The following SCNN1B variants were observed in gnomAD, a reference collection of about 807,000 sequenced individuals.
The protein encoded by SCNN1B is epithelial sodium channel subunit beta.
SCNN1B carries 46 observed loss-of-function variants against 65.3 expected under a neutral mutation model. The observed-to-expected ratio is 0.70, with a 90% CI of 0.56 to 0.90. The LOEUF (loss-of-function observed/expected upper bound fraction) is 0.90, where lower values mean the gene tolerates loss of function less well. SCNN1B is among the 40% of genes least tolerant of loss of function. The probability of loss-of-function intolerance (pLI) is 0.00; values close to 1 mark genes in which losing one functional copy is unlikely to be tolerated. For missense variants in SCNN1B, 751 were observed against 830.5 expected, an observed-to-expected ratio of 0.90 and a Z score of 1.18; for synonymous variants, 349 against 330.6, an observed-to-expected ratio of 1.06 and a Z score of -0.60.
intron 1 of SCNN1B, among the ~76,000 whole-genome samples, chr16:23,303,601 T>C (rs1331882600): frequency 1.3e-5 from 2 of 152,038 alleles, no homozygotes; most frequent in Non-Finnish European, 2.9e-5. Context: ...TACAGAGCCA[T>C]AGAAAATATG....
Position 23,375,276 on chromosome 16 carries a change from C to G in SCNN1B, c.1153-462C>G, listed in dbSNP as rs1451822738. 3.9e-5 allele frequency among the ~76,000 whole-genome samples: 6 copies of G among 152,192 alleles called. No homozygotes were observed. In the East Asian group the frequency reaches 1.2e-3, roughly 29 times the overall value. ...AGAGATCATCCTTCTCCTGGCTTTCCCTGGGCAATTCCCTCTGGGAGGAAG... is the reference window on the plus strand; with the variant it reads ...AGAGATCATCCTTCTCCTGGCTTTCGCTGGGCAATTCCCTCTGGGAGGAAG... On this transcript the variant is annotated intron_variant, in intron 7 of 12. Coordinates refer to ENST00000343070, the MANE Select transcript of SCNN1B (RefSeq NM_000336.3).
In SCNN1B at chr16:23,351,504, T is replaced by G. The variant is rs561129410; in HGVS notation, c.312-1297T>G. On this transcript the variant is annotated intron_variant, in intron 2 of 12. Transcript: ENST00000343070. ...CCTTCCCCATCCTCCTGTTCCTGTGTACACAGATTTAATGGTCAGGGAACT... is the reference window on the plus strand; with the variant it reads ...CCTTCCCCATCCTCCTGTTCCTGTGGACACAGATTTAATGGTCAGGGAACT... 2.0e-5 allele frequency among the ~76,000 whole-genome samples: 3 copies of G among 152,278 alleles called. No individual in the cohort carries two copies. In the East Asian group the frequency reaches 5.8e-4, roughly 29 times the overall value.
chr16:23,322,425 G>A (rs956303262), intron 1 of SCNN1B, among the ~76,000 whole-genome samples: 1 of 151,940 alleles, frequency 6.6e-6, no homozygotes. Flanking sequence ...CTCAGCTCCC[G>A]AGTAGCTGGG....
chr16:23,361,132 G>C (rs1488350463), intron 4 of SCNN1B, among the ~76,000 whole-genome samples: 3 of 152,014 alleles, frequency 2.0e-5, no homozygotes, highest in Non-Finnish European at 4.4e-5. Context: ...GTTTCACCAT[G>C]TTTGCCAGGC....
chr16:23,368,374 T>TA (rs577397884), intron 5 of SCNN1B, among the ~76,000 whole-genome samples: 21 of 148,854 alleles, frequency 1.4e-4, no homozygotes, highest in South Asian at 2.1e-4. Flanking sequence ...CCCCATCTCT[T>TA]AAAAAAAAAA....
rs567681860 is a variant in SCNN1B, at chr16:23,322,665, A to G, written c.-9+20228A>G. Among the ~76,000 whole-genome samples the G allele has an allele frequency of 2.2e-4, 34 of 152,306 alleles. No homozygotes were observed. The South Asian group carries it at 2.3e-3, about 10-fold the overall frequency. On this transcript the variant is annotated intron_variant, in intron 1 of 12. Transcript: ENST00000343070. The stretch of plus-strand genomic sequence containing the variant: ...TTAAAAAGTAAAAATAAACAGATCA[A>G]ACTAATTTTATTAATATATTTCATT...
In SCNN1B at chr16:23,302,419, C is replaced by A; in HGVS notation, c.-27C>A. ...CGACAGCGCGCATCCTCCGTGTCCC[C>A]GCTCCGCCGCCCGAGCAGGTATGAC... On this transcript the variant is annotated 5_prime_UTR_variant, in exon 1 of 13. Transcript: ENST00000343070. 1 of 157,636 alleles carries A rather than the reference C, an allele frequency of 6.3e-6. No individual in the cohort carries two copies. The highest frequency in any genetic ancestry group is 1.8e-4 in the South Asian group (1 of 5,540). The allele number at this position is 157,636 out of a possible 1,614,324, so 9.8% of individuals were successfully genotyped here.
chr16:23,285,126 T>C (rs1817965401), intron 2 of SCNN1B, among the ~76,000 whole-genome samples: 1 of 152,238 alleles, frequency 6.6e-6, no homozygotes, highest in South Asian at 2.1e-4. Context: ...TGGTTAATAG[T>C]AATGTATGAA....
intron 1 of SCNN1B, among the ~76,000 whole-genome samples, chr16:23,316,895 C>CTCACCATCACCTCCATTATCACCA (rs1225080865): frequency 2.0e-5 from 3 of 151,310 alleles, no homozygotes; most frequent in African/African-American, 7.3e-5. Flanking sequence ...CACCATCACC[C>CTCACCATCACCTCCATTATCACCA]TCACCATCAC....
chr16:23,365,529 AAGAG>A (rs1196759839), intron 4 of SCNN1B, among the ~76,000 whole-genome samples: 10 of 141,248 alleles, frequency 7.1e-5, no homozygotes, highest in East Asian at 2.1e-4. Flanking sequence ...AAAAGAGAGA[AAGAG>A]AGAAGGAAAG....
intron 2 of SCNN1B, among the ~76,000 whole-genome samples, chr16:23,351,647 C>T (rs575818657): frequency 1.3e-5 from 2 of 152,206 alleles, no homozygotes; most frequent in Non-Finnish European, 2.9e-5. Context: ...GCATTTGTGG[C>T]CTCAATTACC....
At chr16:23,292,690 G>A (rs1470459582) in intron 2 of SCNN1B, among the ~76,000 whole-genome samples, 7 of 151,390 alleles carry the variant, frequency 4.6e-5, no homozygotes, top group Non-Finnish European at 7.4e-5. Flanking sequence ...TTTTTGTTGA[G>A]ATGCATTTTT....
rs201804824 is a variant in SCNN1B, at chr16:23,353,008, C to A, written c.519C>A (p.Gly173=). 1 of 1,614,170 alleles carries A rather than the reference C, an allele frequency of 6.2e-7. No homozygotes were observed. The highest frequency in any genetic ancestry group is 1.7e-5 in the Admixed American group (1 of 60,022). ...ATCTCTTTGGAGACAACCACAATGG[C>A]TTAACAAGCAGCTCAGCATCAGAAA... is the stretch of plus-strand genomic sequence containing the variant. ...VLDLFGDNHN[G]LTSSSASEKI... The change falls in exon 3 of 13, where the codon GGC becomes GGA. Residue 173 remains glycine, a synonymous_variant. Transcript: ENST00000343070.
chr16:23,346,251 G>A (rs563879875), intron 1 of SCNN1B, among the ~76,000 whole-genome samples: 9 of 113,124 alleles, frequency 8.0e-5, no homozygotes, highest in Admixed American at 5.1e-4. Context: ...TCACTCTGTC[G>A]TCCAGGCTGG....
chr16:23,334,187 C>T (rs560419600), intron 1 of SCNN1B, among the ~76,000 whole-genome samples: 413 of 152,296 alleles, frequency 2.7e-3, no homozygotes, highest in African/African-American at 9.7e-3. Flanking sequence ...CGTGGGGCAG[C>T]GACCCCAGAG....
At chr16:23,363,510 T>G (rs1447448243) in intron 4 of SCNN1B, among the ~76,000 whole-genome samples, 1 of 152,172 alleles carries the variant, frequency 6.6e-6, no homozygotes, top group Non-Finnish European at 1.5e-5. Context: ...AGTGAGCAAT[T>G]AAATCAAGAA....
At chr16:23,293,023 G>A (rs958204052) in intron 2 of SCNN1B, among the ~76,000 whole-genome samples, 1 of 144,516 alleles carries the variant, frequency 6.9e-6, no homozygotes, top group African/African-American at 2.6e-5. Flanking sequence ...GCTGAAGCAT[G>A]AGAATTGCTT....
chr16:23,348,403 A>G lies in SCNN1B; in HGVS notation c.-8-189A>G, dbSNP rs1962231663. Among the ~76,000 whole-genome samples, 1 of 144,974 alleles carries G rather than the reference A, an allele frequency of 6.9e-6. No individual in the cohort carries two copies. Among genetic ancestry groups the G allele is most frequent in the Non-Finnish European group, 1.5e-5 (1 of 66,600 alleles). On this transcript the variant is annotated intron_variant, in intron 1 of 12. Transcript: ENST00000343070. The surrounding 1 kb of genome is among the most constrained non-coding windows in gnomAD (Gnocchi z 4.5). ...AAATGCATTTTGGTTGATTAGATGG[A>G]TGGATGGATTGATGACAGATAGCCA...
intron 1 of SCNN1B, among the ~76,000 whole-genome samples, chr16:23,305,537 T>A (rs2141979806): frequency 5.0e-5 from 1 of 19,894 alleles, no homozygotes; most frequent in Admixed American, 5.2e-4. Flanking sequence ...ATATATATTA[T>A]ATATATATAT....
Sources: allele counts gnomAD v4.1 joint callset (sites outside exome capture counted in the v4.1 genomes callset), GRCh38; gene constraint gnomAD v4.1.1; non-coding constraint Gnocchi (gnomAD v3.1); transcripts MANE v1.5; gene names NCBI Gene and HGNC (gene_info 2026-07-23, HGNC 2026-07-21).